CIC: variants seen among roughly 807,000 people sequenced by gnomAD.
CIC encodes protein capicua homolog.
Under a neutral mutation model 115.7 loss-of-function variants are expected in CIC, and 18 were observed. The observed-to-expected ratio is 0.16, with a 90% CI of 0.11 to 0.23. The LOEUF (loss-of-function observed/expected upper bound fraction) is 0.23. CIC is among the 10% of genes least tolerant of loss of function. The pLI, the probability that CIC is intolerant of heterozygous loss-of-function variation, is 1.00. For missense variants in CIC, 2,000 were observed against 2,159.3 expected (o/e 0.93, Z 1.46); for synonymous variants, 1,076 against 923.0 (o/e 1.17, Z -3.01).
chr19:42,283,796 C>T (rs1021773921), intron 2 of CIC, among the ~76,000 whole-genome samples: 4 of 152,132 alleles, frequency 2.6e-5, no homozygotes, highest in Non-Finnish European at 5.9e-5. Flanking sequence ...TGCAGTGCGC[C>T]CTCCCTGCCA....
intron 2 of CIC, among the ~76,000 whole-genome samples, chr19:42,282,612 C>T (rs1178167462): frequency 6.6e-6 from 1 of 152,232 alleles, no homozygotes; most frequent in African/African-American, 2.4e-5. Context: ...TTGGAGTTCC[C>T]TCCCTGGGTC....
chr19:42,282,677 G>C (rs1388629941), intron 2 of CIC, among the ~76,000 whole-genome samples: 1 of 152,200 alleles, frequency 6.6e-6, no homozygotes, highest in Admixed American at 6.5e-5. Context: ...AGAGCTCTGG[G>C]CTGGTACATC....
Position 42,291,419 on chromosome 19 carries a change from C to G in CIC, c.5378C>G (p.Pro1793Arg). 6.2e-7 allele frequency: 1 copy of G among 1,613,022 alleles called. No homozygotes were observed. Among genetic ancestry groups the G allele is most frequent in the Admixed American group, 1.7e-5 (1 of 60,018 alleles). The change falls in exon 11 of 21, where the codon CCT becomes CGT. Residue 1793 changes from proline (P) to arginine (R), a missense_variant. Pro to Arg is a moderately radical substitution (Grantham distance 103). This residue lies in a region of CIC where 1,466 missense variants were observed against 1,390.4 expected (regional missense o/e 1.05). Coordinates refer to ENST00000681038, the MANE Select transcript of CIC (RefSeq NM_001386298.1). The part of the protein sequence containing the change: ...GKVLAATAPT[P>R]GIPILQSVPS... Reference sequence around the variant, plus strand: ...GTCCTGGCTGCCACTGCACCCACTCCTGGCATCCCCATCCTGCAGTCTGTA... The same window carrying G: ...GTCCTGGCTGCCACTGCACCCACTCGTGGCATCCCCATCCTGCAGTCTGTA...
intron 7 of CIC, among the ~76,000 whole-genome samples, chr19:42,288,230 C>T (rs1211633555): frequency 6.6e-6 from 1 of 152,196 alleles, no homozygotes; most frequent in African/African-American, 2.4e-5. Context: ...GTGCCTGGCA[C>T]TACAGGGAAT....
rs964297000 is a variant in CIC at position 42,280,041 on chromosome 19, C to T, written c.2794+5464C>T. On this transcript the variant is annotated intron_variant, in intron 2 of 20. Transcript: ENST00000681038. This position sits in a 1 kb window ranked among gnomAD's most constrained non-coding sequence, Gnocchi z 4.9. ...CCCCGGTGCCCGGGTATTAATGGCT[C>T]CATTAGTGGCCGGGAGGGAGGCGCA... 1 of 152,312 alleles carries T rather than the reference C, an allele frequency of 6.6e-6. No homozygotes were observed. Among genetic ancestry groups the T allele is most frequent in the African/African-American group, 2.4e-5 (1 of 41,450 alleles). The allele number at this position is 152,312 out of a possible 1,614,324, so 9.4% of individuals were successfully genotyped here.
chr19:42,279,134 G>A (rs533952996), intron 2 of CIC, among the ~76,000 whole-genome samples: 1 of 152,366 alleles, frequency 6.6e-6, no homozygotes, highest in South Asian at 2.1e-4. Context: ...CACCAACTAT[G>A]CTTGGGCAGG....
intron 2 of CIC, among the ~76,000 whole-genome samples, chr19:42,283,196 GGAGT>G (rs1317203891): frequency 1.3e-5 from 2 of 152,122 alleles, no homozygotes; most frequent in Non-Finnish European, 2.9e-5. Context: ...GTGTGACGGA[GGAGT>G]GTGTGGTTGT....
chr19:42,269,052 G>A (rs770248464), upstream of CIC, among the ~76,000 whole-genome samples: 16 of 152,104 alleles, frequency 1.1e-4, no homozygotes, highest in Admixed American at 3.9e-4. Flanking sequence ...GTTGGTGTCG[G>A]TCCCGGAGGG....
At chr19:42,284,804 G>A (rs1239708875) in intron 2 of CIC, 1 of 1,526,534 alleles carries the variant, frequency 6.6e-7, no homozygotes, top group South Asian at 1.2e-5. Flanking sequence ...GACTGCAGGG[G>A]TCAAGGTGTC....
At position 42,291,585 on chromosome 19, in the gene CIC, C is replaced by G. The variant is rs753325202; in HGVS notation, c.5453C>G (p.Pro1818Arg). ...CAGTCAGTTTCTCCCGTGCAGGCCCCGCCCCCGGGTGGCTCAGCCCAGCTG... is the reference window on the plus strand; with the variant it reads ...CAGTCAGTTTCTCCCGTGCAGGCCCGGCCCCCGGGTGGCTCAGCCCAGCTG... Reference protein sequence around the residue: ...KAQSVSPVQAPPPGGSAQLLP... With the variant: ...KAQSVSPVQARPPGGSAQLLP... The change falls in exon 12 of 21, where the codon CCG becomes CGG. Residue 1818 changes from proline to arginine, a missense_variant. By Grantham distance (103) the Pro-to-Arg change is moderately radical (BLOSUM62 -2). Coordinates refer to ENST00000681038, the MANE Select transcript of CIC (RefSeq NM_001386298.1). 1 of 1,612,906 alleles carries G rather than the reference C, an allele frequency of 6.2e-7. No homozygotes were observed. The highest frequency in any genetic ancestry group is 8.5e-7 in the Non-Finnish European group (1 of 1,180,004).
chr19:42,291,476 G>A lies in CIC; in HGVS notation c.5425+10G>A, dbSNP rs1165002513. The A allele has an allele frequency of 1.9e-6, 3 of 1,613,110 alleles. No homozygotes were observed. The highest frequency in any genetic ancestry group is 4.5e-5 in the East Asian group (2 of 44,890). ...GCCCCACCCCCCAAAGGTGAGACCT[G>A]GGCCGGGCAGCACTAGGGGAGGGGC... On this transcript the variant is annotated intron_variant, in intron 11 of 20. Coordinates refer to ENST00000681038, the MANE Select transcript of CIC (RefSeq NM_001386298.1).
chr19:42,293,176 A>G lies in CIC; in HGVS notation c.6417A>G (p.Pro2139=), dbSNP rs745953432. The G allele has an allele frequency of 5.6e-6, 9 of 1,602,532 alleles. No homozygotes were observed. The highest frequency in any genetic ancestry group is 1.1e-5 in the South Asian group (1 of 89,704). The change falls in exon 16 of 21, where the codon CCA becomes CCG. Residue 2139 remains proline (P), a synonymous_variant. Transcript: ENST00000681038. The stretch of plus-strand genomic sequence containing the variant: ...AGCTTGAGGGGCAGCCCACACCACC[A>G]GCCCCTCCACCCCTGCCAGAGACCT... ...ESELEGQPTP[P]APPPLPETWT... is the part of the protein sequence containing the mutation.
rs1210707710 is a variant in CIC, at chr19:42,294,124, G to A, written c.6922+35G>A. 2.5e-6 allele frequency: 4 copies of A among 1,613,796 alleles called. No individual in the cohort carries two copies. In the East Asian group the frequency reaches 8.9e-5, roughly 36 times the overall value. On this transcript the variant is annotated intron_variant, in intron 18 of 20. Coordinates refer to ENST00000681038, the MANE Select transcript of CIC (RefSeq NM_001386298.1). Reference sequence around the variant, plus strand: ...CATTGGGCACCCAGGGTCCTTAGGTGGAGGGCAGACTGGGGCCACCTGCAC... The same window carrying A: ...CATTGGGCACCCAGGGTCCTTAGGTAGAGGGCAGACTGGGGCCACCTGCAC...
Position 42,290,854 on chromosome 19 carries a change from C to A in CIC, c.4813C>A (p.Arg1605=). The change falls in exon 11 of 21, where the codon CGG becomes AGG. Residue 1605 remains arginine, a synonymous_variant. Transcript: ENST00000681038. ...IASKPFPTSG[R]AEASPNDTAG... ...CTCTAAGCCCTTCCCCACCTCTGGC[C>A]GGGCTGAGGCGTCTCCAAATGACAC... 6.2e-7 allele frequency: 1 copy of A among 1,611,188 alleles called. No individual in the cohort carries two copies. Among genetic ancestry groups the A allele is most frequent in the Non-Finnish European group, 8.5e-7 (1 of 1,178,990 alleles).
In CIC at chr19:42,283,659, G is replaced by T. The variant is rs959901942; in HGVS notation, c.2795-3112G>T. ...GCCAGGCGCGCCCAGGCGGGTGTGC[G>T]GGAGGCGGGCCGAGCCGCGCGTGAG... On this transcript the variant is annotated intron_variant, in intron 2 of 20. Transcript: ENST00000681038. 1.6e-4 allele frequency among the ~76,000 whole-genome samples: 25 copies of T among 152,238 alleles called. 1 individual carries two copies. In the East Asian group the frequency reaches 4.1e-3, roughly 25 times the overall value.
chr19:42,293,254 G>A lies in CIC; in HGVS notation c.6495G>A (p.Arg2165=). ...CACTGCCCCCACCTGCTGAGGAGCG[G>A]ACCAGCGCCAAGGGCCCTGAGACCA... The part of the protein sequence containing the change: ...SPPLPPPAEE[R]TSAKGPETMA... The change falls in exon 16 of 21, where the codon CGG becomes CGA. Residue 2165 remains arginine (R), a synonymous_variant. Transcript: ENST00000681038. 2 of 1,586,650 alleles carry A rather than the reference G, an allele frequency of 1.3e-6. No individual in the cohort carries two copies. The highest frequency in any genetic ancestry group is 8.6e-7 in the Non-Finnish European group (1 of 1,168,502).
In CIC at chr19:42,287,601, G is replaced by A. The variant is rs1322852110; in HGVS notation, c.3366G>A (p.Arg1122=). 1.2e-6 allele frequency: 2 copies of A among 1,613,802 alleles called. No individual in the cohort carries two copies. The highest frequency in any genetic ancestry group is 1.7e-6 in the Non-Finnish European group (2 of 1,180,038). Residue 1122 remains arginine (R), a synonymous_variant, in exon 6 of 21, where the codon CGG becomes CGA. Transcript: ENST00000681038. This position sits in a 1 kb window ranked among gnomAD's most constrained non-coding sequence, Gnocchi z 8.7. ...PMNAFMIFSK[R]HRALVHQRHP... is the part of the protein sequence containing the mutation. ...ATGCCTTCATGATCTTCAGCAAGCG[G>A]CACCGGGCCCTGGTCCACCAGCGTC... is the stretch of plus-strand genomic sequence containing the variant.
At chr19:42,286,731 G>A in intron 2 of CIC, 40 bp from the exon 3 acceptor site, 1 of 1,613,344 alleles carries the variant, frequency 6.2e-7, no homozygotes, top group South Asian at 1.1e-5. Context: ...GTTGGGGCCA[G>A]GCTCTCCTGC....
At position 42,290,229 on chromosome 19, in the gene CIC, G is replaced by A. The variant is rs761074731; in HGVS notation, c.4192-4G>A. The A allele has an allele frequency of 6.2e-7, 1 of 1,614,046 alleles. No homozygotes were observed. The highest frequency in any genetic ancestry group is 8.5e-7 in the Non-Finnish European group (1 of 1,179,982). On this transcript the variant is annotated splice_region_variant and splice_polypyrimidine_tract_variant and intron_variant, in intron 10 of 20. Transcript: ENST00000681038. ...CCTGGGGTGTCTCCCTTCCTTTCAT[G>A]CAGGGCTTTGGTCGGAAGGTGTTTT...
Sources: gnomAD v4.1 joint callset for allele counts (sites outside exome capture counted in the v4.1 genomes callset) on GRCh38, gnomAD v4.1.1 for gene constraint, gnomAD v4.1.1 regional missense constraint, Gnocchi (gnomAD v3.1) non-coding constraint, MANE v1.5 for transcripts, NCBI Gene and HGNC (gene_info 2026-07-23, HGNC 2026-07-21) for gene names.